The following SLC47A1 variants were observed in gnomAD, a reference collection of about 807,000 sequenced individuals.
SLC47A1 encodes the protein solute carrier family 47 member 1, also known as multidrug and toxin extrusion protein 1.
SLC47A1 carries 58 observed loss-of-function variants against 65.8 expected under a neutral mutation model. The observed-to-expected ratio is 0.88, with a 90% CI of 0.71 to 1.10. The LOEUF (loss-of-function observed/expected upper bound fraction) is 1.10. Ranked by LOEUF, SLC47A1 falls within the 50% of genes least tolerant of loss-of-function variation. The pLI is 0.00. For missense variants in SLC47A1, 706 were observed against 719.2 expected, an observed-to-expected ratio of 0.98 and a Z score of 0.21; for synonymous variants, 285 against 295.0, an observed-to-expected ratio of 0.97 and a Z score of 0.35.
chr17:19,570,434 T>A (rs2084390535), intron 14 of SLC47A1, among the ~76,000 whole-genome samples: 1 of 152,196 alleles, frequency 6.6e-6, no homozygotes, highest in African/African-American at 2.4e-5. Flanking sequence ...GTGGAGATTG[T>A]TGATCTGGGG....
chr17:19,567,198 C>T lies in SLC47A1; in HGVS notation c.1279C>T (p.Leu427=), dbSNP rs370209076. ...GGTTGGCCTCCCCATCGGGATCGCG[C>T]TGATGTTTGCAACCACACTTGGAGT... is the stretch of plus-strand genomic sequence containing the variant. ...YVVGLPIGIA[L]MFATTLGVMG... Residue 427 remains leucine, a synonymous_variant, in exon 14 of 17, where the codon CTG becomes TTG. Transcript: ENST00000270570. The T allele has an allele frequency of 3.7e-6, 6 of 1,614,198 alleles. No homozygotes were observed. Among genetic ancestry groups the T allele is most frequent in the South Asian group, 1.1e-5 (1 of 91,086 alleles).
intron 1 of SLC47A1, chr17:19,534,457 A>T: frequency 5.3e-6 from 1 of 188,324 alleles, no homozygotes; most frequent in Non-Finnish European, 1.1e-5. Flanking sequence ...CTTCTCTGGG[A>T]GCTGATTCCG....
intron 16 of SLC47A1, among the ~76,000 whole-genome samples, chr17:19,576,507 G>C (rs1212486865): frequency 6.6e-6 from 1 of 151,530 alleles, no homozygotes; most frequent in Non-Finnish European, 1.5e-5. Flanking sequence ...TACGCCATCA[G>C]GCCCAGCAAA....
At chr17:19,537,248 G>A (rs1916012360) in intron 1 of SLC47A1, among the ~76,000 whole-genome samples, 1 of 152,222 alleles carries the variant, frequency 6.6e-6, no homozygotes, top group Non-Finnish European at 1.5e-5. Flanking sequence ...TTACAGGGCA[G>A]AAATATCAGA....
chr17:19,560,384 A>G, intron 11 of SLC47A1, 34 bp from the exon 12 acceptor site: 1 of 1,612,962 alleles, frequency 6.2e-7, no homozygotes, highest in South Asian at 1.1e-5. Flanking sequence ...CTTCTTGTTC[A>G]CTGTGTTGTT....
At chr17:19,558,876 CAG>C (rs2084285282) in intron 10 of SLC47A1, among the ~76,000 whole-genome samples, 1 of 152,120 alleles carries the variant, frequency 6.6e-6, no homozygotes, top group Admixed American at 6.5e-5. Flanking sequence ...AATTTATAGG[CAG>C]AGACTCAGTC....
intron 16 of SLC47A1, among the ~76,000 whole-genome samples, chr17:19,574,825 G>A (rs765810284): frequency 1.3e-5 from 2 of 152,126 alleles, no homozygotes; most frequent in African/African-American, 2.4e-5. Flanking sequence ...TAGCAGAGAC[G>A]GGATTTCACC....
chr17:19,538,105 A>G (rs981711385), intron 1 of SLC47A1, among the ~76,000 whole-genome samples: 1 of 152,260 alleles, frequency 6.6e-6, no homozygotes, highest in East Asian at 1.9e-4. Context: ...TCATTAAGTC[A>G]AAATGCCTCT....
At chr17:19,543,525 C>T (rs367847073) in intron 2 of SLC47A1, among the ~76,000 whole-genome samples, 1 of 152,170 alleles carries the variant, frequency 6.6e-6, no homozygotes, top group Admixed American at 6.5e-5. Context: ...CTGACTCCCC[C>T]CCATGCCCAC....
intron 5 of SLC47A1, 122 bp downstream of exon 5, chr17:19,549,799 C>CTTGA (rs1916398144): frequency 9.5e-7 from 1 of 1,054,600 alleles, no homozygotes; most frequent in African/African-American, 1.6e-5. Context: ...GTGTTGGTGC[C>CTTGA]TTCAAGGAAG....
At chr17:19,558,944 A>G (rs912027525) in intron 10 of SLC47A1, among the ~76,000 whole-genome samples, 6 of 152,188 alleles carry the variant, frequency 3.9e-5, no homozygotes, top group African/African-American at 1.2e-4. Flanking sequence ...AAGCTGGTCC[A>G]TAGTCATCCT....
At chr17:19,551,914 T>C (rs1916460319) in intron 6 of SLC47A1, among the ~76,000 whole-genome samples, 1 of 152,238 alleles carries the variant, frequency 6.6e-6, no homozygotes, top group East Asian at 1.9e-4. Flanking sequence ...TCATTGAGGA[T>C]GTAAGAGCTC....
At chr17:19,560,572 A>G (rs1463190755) in intron 12 of SLC47A1, 79 bp downstream of exon 12, 1 of 1,410,612 alleles carries the variant, frequency 7.1e-7, no homozygotes, top group Admixed American at 1.7e-5. Flanking sequence ...CTCTAAAATC[A>G]GGCTGTTCAG....
chr17:19,565,357 T>A (rs961180304), intron 12 of SLC47A1, among the ~76,000 whole-genome samples: 1 of 152,160 alleles, frequency 6.6e-6, no homozygotes, highest in Non-Finnish European at 1.5e-5. Flanking sequence ...GGCATCATCT[T>A]AAAAGAAGGA....
intron 12 of SLC47A1, among the ~76,000 whole-genome samples, chr17:19,564,066 A>G (rs994202882): frequency 6.6e-6 from 1 of 151,728 alleles, no homozygotes; most frequent in Non-Finnish European, 1.5e-5. Context: ...ATAAAAGTGA[A>G]TATAGGCCAG....
chr17:19,548,220 G>T (rs2152313383), intron 4 of SLC47A1, 87 bp downstream of exon 4: 1 of 1,503,640 alleles, frequency 6.7e-7, no homozygotes, highest in Middle Eastern at 1.9e-4. Flanking sequence ...CAGGGACAAG[G>T]CTGCACACCA....
At chr17:19,534,900 G>C (rs918874590) in intron 1 of SLC47A1, 13 of 152,166 alleles carry the variant, frequency 8.5e-5, no homozygotes, top group African/African-American at 2.4e-4. Context: ...AACCGAGAGG[G>C]TAGGACGCGG....
intron 16 of SLC47A1, among the ~76,000 whole-genome samples, chr17:19,573,942 A>T (rs1188935916): frequency 8.5e-4 from 108 of 127,420 alleles, no homozygotes; most frequent in African/African-American, 2.4e-3. Flanking sequence ...TTTTTTTTTT[A>T]AAAGCAGTCT....
chr17:19,570,115 A>AAAGCAAAC (rs1334685931), intron 14 of SLC47A1, among the ~76,000 whole-genome samples: 1 of 152,182 alleles, frequency 6.6e-6, no homozygotes, highest in Admixed American at 6.5e-5. Context: ...CTGACTCTAA[A>AAAGCAAAC]AAGCAAACAA....
Sources: gnomAD v4.1 joint callset for allele counts (sites outside exome capture counted in the v4.1 genomes callset) on GRCh38, gnomAD v4.1.1 for gene constraint, MANE v1.5 for transcripts, NCBI Gene and HGNC (gene_info 2026-07-23, HGNC 2026-07-21) for gene names.